GLCCI1: variants seen among roughly 807,000 people sequenced by gnomAD.
GLCCI1 encodes the protein glucocorticoid-induced transcript 1 protein.
Under a neutral mutation model 52.2 loss-of-function variants are expected in GLCCI1, and 24 were observed. That is an observed-to-expected ratio of 0.46 (90% CI 0.33 to 0.65). The LOEUF (loss-of-function observed/expected upper bound fraction) is 0.65. Among genes scored for constraint, GLCCI1 ranks in the 30% least tolerant of loss-of-function variants. The probability of loss-of-function intolerance (pLI) is 0.02; values close to 1 mark genes in which losing one functional copy is unlikely to be tolerated. For missense variants in GLCCI1, 704 were observed against 701.5 expected (o/e 1.00, Z -0.04); for synonymous variants, 310 against 276.5 (o/e 1.12, Z -1.20).
At chr7:7,974,646 A>G (rs1286807710) in intron 1 of GLCCI1, among the ~76,000 whole-genome samples, 2 of 152,206 alleles carry the variant, frequency 1.3e-5, no homozygotes, top group Non-Finnish European at 2.9e-5. Flanking sequence ...GTGTTCAACA[A>G]ATGGCTAGTC....
At chr7:8,067,972 AT>A (rs898432143) in intron 5 of GLCCI1, among the ~76,000 whole-genome samples, 11 of 152,120 alleles carry the variant, frequency 7.2e-5, no homozygotes, top group Non-Finnish European at 1.5e-4. Flanking sequence ...TCTCCTCATC[AT>A]TTTTAGGGAT....
intron 2 of GLCCI1, among the ~76,000 whole-genome samples, chr7:8,004,783 C>T (rs150151159): frequency 1.4e-3 from 214 of 152,168 alleles, no homozygotes; most frequent in African/African-American, 4.9e-3. Flanking sequence ...GTGTATAATT[C>T]GACGTTAGAT....
chr7:8,022,265 A>G (rs549659567), intron 2 of GLCCI1, among the ~76,000 whole-genome samples: 1 of 152,252 alleles, frequency 6.6e-6, no homozygotes, highest in Admixed American at 6.5e-5. Context: ...TCAAATTTTT[A>G]AGTAAGGTGA....
chr7:8,040,896 A>G (rs981877818), intron 3 of GLCCI1, among the ~76,000 whole-genome samples: 6 of 152,134 alleles, frequency 3.9e-5, no homozygotes, highest in South Asian at 2.1e-4. Context: ...CCTGAGACAC[A>G]ATAATAGTGA....
chr7:8,061,697 C>T (rs549147144), intron 5 of GLCCI1, among the ~76,000 whole-genome samples: 9 of 101,114 alleles, frequency 8.9e-5, no homozygotes, highest in African/African-American at 2.4e-4. Flanking sequence ...GACAGGGTCT[C>T]GTTCTGTTGC....
chr7:8,041,026 A>G (rs999072598), intron 3 of GLCCI1, among the ~76,000 whole-genome samples: 4 of 152,208 alleles, frequency 2.6e-5, no homozygotes, highest in Admixed American at 6.5e-5. Flanking sequence ...GAAGGCAAGT[A>G]AAAAGCCAGT....
chr7:8,071,155 G>C, intron 6 of GLCCI1, 24 bp downstream of exon 6: 2 of 1,594,724 alleles, frequency 1.3e-6, no homozygotes, highest in Non-Finnish European at 1.7e-6. Context: ...TGTCCACTTA[G>C]AGGGTTTGTT....
At chr7:8,070,671 G>C in intron 5 of GLCCI1, 1 of 363,476 alleles carries the variant, frequency 2.8e-6, no homozygotes, top group African/African-American at 2.1e-5. Context: ...TGTGGGATGT[G>C]CTGACCTACA....
At chr7:8,081,362 T>C (rs1782990331) in intron 6 of GLCCI1, among the ~76,000 whole-genome samples, 1 of 152,228 alleles carries the variant, frequency 6.6e-6, no homozygotes, top group African/African-American at 2.4e-5. Flanking sequence ...TTAGAATCAA[T>C]TTTACTTAAT....
chr7:8,068,712 G>A (rs184297991), intron 5 of GLCCI1, among the ~76,000 whole-genome samples: 42 of 152,266 alleles, frequency 2.8e-4, no homozygotes, highest in Non-Finnish European at 1.2e-4. Context: ...AGACGCTGTG[G>A]CTTTCTGAGT....
intron 2 of GLCCI1, among the ~76,000 whole-genome samples, chr7:8,018,519 G>A (rs567468919): frequency 1.3e-5 from 2 of 152,248 alleles, no homozygotes; most frequent in East Asian, 3.9e-4. Context: ...TGTGCAGTGG[G>A]ATTATTCCCT....
At chr7:8,016,880 A>C (rs759461532) in intron 2 of GLCCI1, among the ~76,000 whole-genome samples, 1 of 152,204 alleles carries the variant, frequency 6.6e-6, no homozygotes, top group African/African-American at 2.4e-5. Flanking sequence ...GGACAGGAAA[A>C]GTCTTTATTA....
At chr7:7,982,141 G>C in intron 1 of GLCCI1, 1 of 373,220 alleles carries the variant, frequency 2.7e-6, no homozygotes, top group Non-Finnish European at 5.3e-6. Context: ...CCAAATACCA[G>C]ACATCTTTAT....
At chr7:8,012,276 T>C (rs1781279268) in intron 2 of GLCCI1, among the ~76,000 whole-genome samples, 3 of 152,136 alleles carry the variant, frequency 2.0e-5, no homozygotes, top group Non-Finnish European at 2.9e-5. Context: ...TGTATTTCTT[T>C]TTTGGAGAAA....
chr7:8,027,611 A>G (rs1483034517), intron 3 of GLCCI1, among the ~76,000 whole-genome samples: 1 of 152,110 alleles, frequency 6.6e-6, no homozygotes, highest in Non-Finnish European at 1.5e-5. Flanking sequence ...GTAAGTTCCT[A>G]CTTATCCATA....
intron 5 of GLCCI1, 37 bp downstream of exon 5, chr7:8,060,285 C>G (rs759797966): frequency 3.5e-5 from 53 of 1,536,026 alleles, no homozygotes; most frequent in Non-Finnish European, 4.3e-5. Flanking sequence ...CTTTTTTTCT[C>G]TGATATAACG....
At chr7:8,043,595 G>A (rs1332274486) in intron 3 of GLCCI1, among the ~76,000 whole-genome samples, 1 of 152,142 alleles carries the variant, frequency 6.6e-6, no homozygotes, top group Admixed American at 6.5e-5. Flanking sequence ...ACAATAAATA[G>A]AATGAAGGGA....
chr7:7,980,713 C>G lies in GLCCI1; in HGVS notation c.457+10906C>G, dbSNP rs79997666. 6 of 736,074 alleles carry G rather than the reference C, an allele frequency of 8.2e-6. No individual in the cohort carries two copies. In the African/African-American group the frequency reaches 8.7e-5, roughly 11 times the overall value. The allele number at this position is 736,074 out of a possible 1,614,324, so 45.6% of individuals were successfully genotyped here. ...TAATGACAGTGATCAACATGGATCT[C>G]AGTTTCTTATCACTACAGGAGAAAA... On this transcript the variant is annotated intron_variant, in intron 1 of 7. Coordinates refer to ENST00000223145, the MANE Select transcript of GLCCI1 (RefSeq NM_138426.4).
At chr7:8,004,132 A>G (rs1331550615) in intron 2 of GLCCI1, 73 bp downstream of exon 2, 1 of 1,294,096 alleles carries the variant, frequency 7.7e-7, no homozygotes, top group East Asian at 2.4e-5. Context: ...AGAAAATGTA[A>G]TATAATCAAA....
Sources: gnomAD v4.1 joint callset for allele counts (sites outside exome capture counted in the v4.1 genomes callset) on GRCh38, gnomAD v4.1.1 for gene constraint, MANE v1.5 for transcripts, NCBI Gene and HGNC (gene_info 2026-07-23, HGNC 2026-07-21) for gene names.